Variants in RNF216 observed in about 807,000 individuals in gnomAD.
The protein encoded by RNF216 is E3 ubiquitin-protein ligase RNF216.
Under a neutral mutation model 110.8 loss-of-function variants are expected in RNF216, and 72 were observed. The observed-to-expected ratio is 0.65, with a 90% CI of 0.54 to 0.79. The LOEUF (loss-of-function observed/expected upper bound fraction) is 0.79, where lower values mean the gene tolerates loss of function less well. RNF216 is among the 30% of genes least tolerant of loss of function. The pLI, the probability that RNF216 is intolerant of heterozygous loss-of-function variation, is 0.00. For missense variants in RNF216, 1,342 were observed against 1,141.2 expected, an observed-to-expected ratio of 1.18 and a Z score of -2.54; for synonymous variants, 495 against 407.5, an observed-to-expected ratio of 1.21 and a Z score of -2.59.
At chr7:5,711,937 C>A in intron 12 of RNF216, 98 bp from the exon 13 acceptor site, 1 of 1,031,842 alleles carries the variant, frequency 9.7e-7, no homozygotes. Flanking sequence ...GAGTTTTGAG[C>A]TGGACATTCA....
chr7:5,736,871 C>T (rs1369406744), intron 5 of RNF216, among the ~76,000 whole-genome samples: 3 of 151,024 alleles, frequency 2.0e-5, no homozygotes, highest in Admixed American at 2.0e-4. Flanking sequence ...AAGTGAGGAG[C>T]CCCTCCGCCC....
rs376378022 is a variant in RNF216, at chr7:5,740,997, G to A, written c.1020C>T (p.Leu340=). The change falls in exon 4 of 17, where the codon CTC becomes CTT. Residue 340 remains leucine (L), a synonymous_variant. Coordinates refer to ENST00000389902, the MANE Select transcript of RNF216 (RefSeq NM_207111.4). ...CCGTTTCTTTCACTAGTAGTTCAAC[G>A]AGCTCTTGATCTACCTCTGCAGCTT... ...GQEAAEVDQE[L]VELLVKETEA... is the part of the protein sequence containing the mutation. The A allele has an allele frequency of 8.1e-6, 13 of 1,605,634 alleles. No individual in the cohort carries two copies. Among genetic ancestry groups the A allele is most frequent in the African/African-American group, 6.8e-5 (5 of 74,032 alleles).
At chr7:5,695,039 T>G (rs1791541587) in intron 13 of RNF216, among the ~76,000 whole-genome samples, 1 of 152,140 alleles carries the variant, frequency 6.6e-6, no homozygotes, top group Non-Finnish European at 1.5e-5. Flanking sequence ...AATACACTAA[T>G]GGGCCAATGG....
rs201661241 is a variant in RNF216, at chr7:5,712,876, G to A, written c.1834-13C>T. ...AGCTGAGCTCCAACTAGAAAAAGGC[G>A]AAAAGGCAAAGAAAAAAAAATCAAT... is the stretch of plus-strand genomic sequence containing the variant. On this transcript the variant is annotated splice_polypyrimidine_tract_variant and intron_variant, in intron 11 of 16. Transcript: ENST00000389902. 4.8e-4 allele frequency: 769 copies of A among 1,588,462 alleles called. No individual in the cohort carries two copies. The highest frequency in any genetic ancestry group is 5.9e-4 in the Non-Finnish European group (692 of 1,170,746).
At chr7:5,729,697 G>A (rs747721558) in intron 6 of RNF216, 101 bp from the exon 7 acceptor site, 15 of 1,030,218 alleles carry the variant, frequency 1.5e-5, no homozygotes, top group Non-Finnish European at 1.8e-5. Context: ...AATAACATTT[G>A]TTCTAATTAC....
At chr7:5,722,509 G>T (rs1351555197) in intron 8 of RNF216, among the ~76,000 whole-genome samples, 1 of 151,442 alleles carries the variant, frequency 6.6e-6, no homozygotes, top group African/African-American at 2.4e-5. Flanking sequence ...TCCTGCCTCA[G>T]CCTCCCGAGT....
chr7:5,730,925 T>C (rs1425463469), intron 5 of RNF216, 108 bp from the exon 6 acceptor site: 14 of 1,461,026 alleles, frequency 9.6e-6, no homozygotes, highest in Admixed American at 2.3e-5. Context: ...ACATTACAAC[T>C]GGCCTATCAA....
At chr7:5,720,994 C>G (rs1251569526) in intron 9 of RNF216, 39 bp downstream of exon 9, 1 of 1,606,662 alleles carries the variant, frequency 6.2e-7, no homozygotes, top group Admixed American at 1.7e-5. Flanking sequence ...AAACCAGAAT[C>G]CCAGAAACAC....
chr7:5,714,741 T>C (rs1792932022), intron 11 of RNF216, among the ~76,000 whole-genome samples: 1 of 149,240 alleles, frequency 6.7e-6, no homozygotes, highest in Non-Finnish European at 1.5e-5. Context: ...AATATATATT[T>C]AATCCAATAG....
intron 4 of RNF216, among the ~76,000 whole-genome samples, chr7:5,740,224 T>A (rs1794680473): frequency 6.7e-6 from 1 of 149,836 alleles, no homozygotes; most frequent in Non-Finnish European, 1.5e-5. Context: ...CCTCCTGGGT[T>A]CACACCATTC....
In RNF216 at chr7:5,763,620, G is replaced by C. The variant is rs532387759; in HGVS notation, c.-69-2482C>G. 2.6e-5 allele frequency among the ~76,000 whole-genome samples: 4 copies of C among 152,172 alleles called. No homozygotes were observed. The East Asian group carries it at 5.8e-4, about 22-fold the overall frequency. ...CAGTCTCTCTCTGTCATCCTGGCTG[G>C]AGAGCAGCTACACGATCACGGCTCA... On this transcript the variant is annotated intron_variant, in intron 1 of 16. Coordinates refer to ENST00000389902, the MANE Select transcript of RNF216 (RefSeq NM_207111.4).
intron 13 of RNF216, among the ~76,000 whole-genome samples, chr7:5,684,355 C>T (rs1013820898): frequency 3.3e-5 from 5 of 151,870 alleles, no homozygotes; most frequent in Non-Finnish European, 5.9e-5. Context: ...GACCCACCTG[C>T]CTTGGCCTCC....
intron 15 of RNF216, among the ~76,000 whole-genome samples, chr7:5,628,050 C>A (rs1584334031): frequency 6.6e-6 from 1 of 152,170 alleles, no homozygotes; most frequent in Admixed American, 6.5e-5. Context: ...GCAGATAGAA[C>A]CTTCCCAGCC....
At chr7:5,647,727 C>T (rs889005848) in intron 14 of RNF216, among the ~76,000 whole-genome samples, 8 of 152,160 alleles carry the variant, frequency 5.3e-5, no homozygotes, top group South Asian at 2.1e-4. Context: ...AGACTCCTTC[C>T]GCTCTTACTT....
intron 13 of RNF216, among the ~76,000 whole-genome samples, chr7:5,665,925 G>A (rs1436261156): frequency 6.6e-6 from 1 of 152,132 alleles, no homozygotes; most frequent in African/African-American, 2.4e-5. Context: ...CAGCACTTTG[G>A]GAGGCCGAGA....
At chr7:5,630,699 C>T (rs1787015682) in intron 15 of RNF216, among the ~76,000 whole-genome samples, 1 of 152,156 alleles carries the variant, frequency 6.6e-6, no homozygotes, top group Admixed American at 6.5e-5. Context: ...GGTCTGATCA[C>T]TCTTATAAAG....
At chr7:5,660,943 G>GTTTTTTTTTGT (rs1470327757) in intron 13 of RNF216, among the ~76,000 whole-genome samples, 1,309 of 90,282 alleles carry the variant, frequency 0.014, 37 homozygotes, top group East Asian at 0.027. Context: ...GAAGCCTTAG[G>GTTTTTTTTTGT]TTTTTTTTTT....
chr7:5,729,575 C>G lies in RNF216; in HGVS notation c.1246G>C (p.Asp416His). ...ETKLPKIDFFDYSKLTPLDQR... is the reference protein window; with the variant it reads ...ETKLPKIDFFHYSKLTPLDQR... ...TCAAGAGGGGTCAATTTAGAATAGT[C>G]AAAAAAGTCTATTTTAGGCAACTGA... Residue 416 changes from aspartate to histidine, a missense_variant, in exon 7 of 17, where the codon GAC becomes CAC. Coordinates refer to ENST00000389902, the MANE Select transcript of RNF216 (RefSeq NM_207111.4). 3 of 1,613,250 alleles carry G rather than the reference C, an allele frequency of 1.9e-6. No individual in the cohort carries two copies. The highest frequency in any genetic ancestry group is 2.5e-6 in the Non-Finnish European group (3 of 1,179,736).
At chr7:5,660,402 C>T (rs1789037411) in intron 13 of RNF216, among the ~76,000 whole-genome samples, 1 of 147,320 alleles carries the variant, frequency 6.8e-6, no homozygotes, top group Non-Finnish European at 1.5e-5. Context: ...AGTGATTCTC[C>T]CACCTCAGCC....
Sources: gnomAD v4.1 joint callset for allele counts (sites outside exome capture counted in the v4.1 genomes callset) on GRCh38, gnomAD v4.1.1 for gene constraint, MANE v1.5 for transcripts, NCBI Gene and HGNC (gene_info 2026-07-23, HGNC 2026-07-21) for gene names.